Variants in NALF1 observed in about 807,000 individuals in gnomAD.
The protein encoded by NALF1 is family with sequence similarity 155 member A.
A neutral mutation model predicts 48.4 loss-of-function variants in NALF1; 3 were observed. The ratio of observed to expected loss-of-function variants is 0.06; its 90% CI spans 0.03 to 0.16. The LOEUF (loss-of-function observed/expected upper bound fraction) is 0.16, where lower values mean the gene tolerates loss of function less well. Among genes scored for constraint, NALF1 ranks in the 10% least tolerant of loss-of-function variants. NALF1 has a pLI of 1.00. For missense variants in NALF1, 526 were observed against 571.5 expected (o/e 0.92, Z 0.81); for synonymous variants, 262 against 245.7 (o/e 1.07, Z -0.62).
intron 1 of NALF1, among the ~76,000 whole-genome samples, chr13:107,644,464 G>A (rs183478263): frequency 7.9e-5 from 12 of 151,260 alleles, no homozygotes; most frequent in Admixed American, 6.6e-4. Flanking sequence ...GCCAATAAAT[G>A]GCAAAGACTG....
At chr13:107,693,408 G>A (rs113745383) in intron 1 of NALF1, among the ~76,000 whole-genome samples, 10,379 of 151,446 alleles carry the variant, frequency 0.069, 876 homozygotes, top group East Asian at 0.25. Flanking sequence ...CCAACATGGC[G>A]CATGTATACT....
rs74442389 is a variant in NALF1 at position 107,814,284 on chromosome 13, A to G, written c.915+51398T>C. ...GTATTTTTAGACAATACCCCTATCC[A>G]TCATCCTCAATCTGTCTACACCACC... On this transcript the variant is annotated intron_variant, in intron 1 of 2. Transcript: ENST00000375915. 1.1e-3 allele frequency among the ~76,000 whole-genome samples: 162 copies of G among 152,280 alleles called. 1 individual carries two copies. The East Asian group carries it at 0.028, about 26-fold the overall frequency.
chr13:107,435,986 G>A (rs1317426582), intron 1 of NALF1, among the ~76,000 whole-genome samples: 1 of 152,162 alleles, frequency 6.6e-6, no homozygotes, highest in Non-Finnish European at 1.5e-5. Context: ...TGAGCTGTCT[G>A]TCACATACAA....
chr13:107,737,298 T>C (rs765054268), intron 1 of NALF1, among the ~76,000 whole-genome samples: 1 of 152,152 alleles, frequency 6.6e-6, no homozygotes, highest in Non-Finnish European at 1.5e-5. Flanking sequence ...ACAAAATTCC[T>C]AGGTCAAAAG....
At chr13:107,172,419 T>G (rs928125339) in intron 2 of NALF1, among the ~76,000 whole-genome samples, 4 of 152,236 alleles carry the variant, frequency 2.6e-5, no homozygotes, top group Admixed American at 6.5e-5. Context: ...ATTGCATGAA[T>G]AAACTCAGTA....
At chr13:107,676,260 C>T (rs1461312774) in intron 1 of NALF1, among the ~76,000 whole-genome samples, 1 of 152,070 alleles carries the variant, frequency 6.6e-6, no homozygotes, top group Non-Finnish European at 1.5e-5. Context: ...TTTATTCAAC[C>T]AACAGAGTCA....
chr13:107,745,403 T>C (rs1192619145), intron 1 of NALF1, among the ~76,000 whole-genome samples: 1 of 152,190 alleles, frequency 6.6e-6, no homozygotes, highest in Non-Finnish European at 1.5e-5. Flanking sequence ...CTTAAGATTG[T>C]TGGATTAAAT....
intron 1 of NALF1, among the ~76,000 whole-genome samples, chr13:107,548,372 T>C (rs1396870049): frequency 2.0e-5 from 3 of 152,170 alleles, no homozygotes; most frequent in Non-Finnish European, 4.4e-5. Context: ...CAATCTGTCA[T>C]TGATGGGCAT....
At chr13:107,864,524 T>C (rs1415342448) in intron 1 of NALF1, among the ~76,000 whole-genome samples, 1 of 152,224 alleles carries the variant, frequency 6.6e-6, no homozygotes, top group Non-Finnish European at 1.5e-5. Context: ...TCTGCTTGTA[T>C]ATGGGATTGG....
chr13:107,365,812 C>A (rs1472623303), intron 1 of NALF1, among the ~76,000 whole-genome samples: 1 of 152,162 alleles, frequency 6.6e-6, no homozygotes, highest in East Asian at 1.9e-4. Context: ...AGCAAATACC[C>A]TCAAACTGCA....
chr13:107,473,388 C>T (rs1156482862), intron 1 of NALF1, among the ~76,000 whole-genome samples: 1 of 152,154 alleles, frequency 6.6e-6, no homozygotes, highest in Admixed American at 6.5e-5. Context: ...AGAAGTCTCA[C>T]TCTGATTGTA....
chr13:107,447,053 T>C (rs1422053968), intron 1 of NALF1, among the ~76,000 whole-genome samples: 5 of 152,178 alleles, frequency 3.3e-5, no homozygotes, highest in African/African-American at 1.2e-4. Flanking sequence ...GTATTGGGAT[T>C]TGCATTTGAA....
intron 1 of NALF1, among the ~76,000 whole-genome samples, chr13:107,670,973 C>T (rs1880977264): frequency 6.6e-6 from 1 of 152,076 alleles, no homozygotes; most frequent in South Asian, 2.1e-4. Flanking sequence ...AGGATCATTT[C>T]CCAGCTCTGT....
chr13:107,314,830 T>G (rs991789912), intron 1 of NALF1, among the ~76,000 whole-genome samples: 6 of 152,162 alleles, frequency 3.9e-5, no homozygotes, highest in African/African-American at 1.2e-4. Context: ...TTGAGAAGAT[T>G]AGCTGAATTG....
chr13:107,506,827 A>C (rs1358091305), intron 1 of NALF1, among the ~76,000 whole-genome samples: 2 of 152,092 alleles, frequency 1.3e-5, no homozygotes, highest in Non-Finnish European at 2.9e-5. Context: ...CATTGTAAGT[A>C]ATACTGCTAT....
intron 1 of NALF1, among the ~76,000 whole-genome samples, chr13:107,516,801 G>A (rs1306772959): frequency 6.6e-6 from 1 of 152,150 alleles, no homozygotes; most frequent in Non-Finnish European, 1.5e-5. Flanking sequence ...TACTAATATG[G>A]AGGCATTCAC....
chr13:107,498,906 A>G (rs1875425688), intron 1 of NALF1, among the ~76,000 whole-genome samples: 1 of 152,196 alleles, frequency 6.6e-6, no homozygotes, highest in Admixed American at 6.5e-5. Flanking sequence ...ACCATTAAAA[A>G]TGCATATATG....
chr13:107,320,940 A>C (rs1882243108), intron 1 of NALF1: 1 of 186,956 alleles, frequency 5.3e-6, no homozygotes, highest in African/African-American at 2.3e-5. Flanking sequence ...AGACTGGGGC[A>C]GTATTCAACT....
chr13:107,699,366 G>A (rs1881768120), intron 1 of NALF1, among the ~76,000 whole-genome samples: 1 of 152,028 alleles, frequency 6.6e-6, no homozygotes, highest in African/African-American at 2.4e-5. Flanking sequence ...ATATTACAGA[G>A]GACCAAGTCT....
Sources: gnomAD v4.1 joint callset for allele counts (sites outside exome capture counted in the v4.1 genomes callset) on GRCh38, gnomAD v4.1.1 for gene constraint, MANE v1.5 for transcripts, NCBI Gene and HGNC (gene_info 2026-07-23, HGNC 2026-07-21) for gene names.